The following HELT variants were observed in gnomAD, a reference collection of about 807,000 sequenced individuals.
The protein encoded by HELT is helt bHLH transcription factor.
In HELT, 9 loss-of-function variants were observed where a neutral mutation model predicts 19.5. That is an observed-to-expected ratio of 0.46 (90% confidence interval 0.28 to 0.80). The LOEUF (loss-of-function observed/expected upper bound fraction) is 0.80, where lower values mean the gene tolerates loss of function less well. Ranked by LOEUF, HELT falls within the 30% of genes least tolerant of loss-of-function variation. The probability of loss-of-function intolerance (pLI) is 0.12; values close to 1 mark genes in which losing one functional copy is unlikely to be tolerated. For missense variants in HELT, 366 were observed against 326.3 expected (o/e 1.12, Z -0.94); for synonymous variants, 162 against 148.3 (o/e 1.09, Z -0.67).
intron 3 of HELT, among the ~76,000 whole-genome samples, chr4:185,020,071 G>T (rs1392111515): frequency 6.6e-6 from 1 of 151,664 alleles, no homozygotes; most frequent in Non-Finnish European, 1.5e-5. Context: ...CCCGGGTGGG[G>T]TGGGTGGGGT....
chr4:185,019,598 C>A, intron 2 of HELT, 107 bp downstream of exon 2: 1 of 1,569,456 alleles, frequency 6.4e-7, no homozygotes, highest in Non-Finnish European at 8.6e-7. Flanking sequence ...TTGCGGGCCC[C>A]TCCCAGGCGG....
intron 3 of HELT, 39 bp downstream of exon 3, chr4:185,019,882 G>A: frequency 6.4e-7 from 1 of 1,566,334 alleles, no homozygotes. Flanking sequence ...TGGGCCAGGC[G>A]CCTGCGCCAC....
chr4:185,020,684 G>A lies in HELT; in HGVS notation c.641G>A (p.Gly214Asp). 6.2e-7 allele frequency: 1 copy of A among 1,603,868 alleles called. No individual in the cohort carries two copies. Among genetic ancestry groups the A allele is most frequent in the Non-Finnish European group, 8.5e-7 (1 of 1,179,150 alleles). ...QHSPFLTPVQ[G>D]LDRHYLNLIG... is the part of the protein sequence containing the mutation. ...AGCCCCTTCCTGACACCGGTGCAGG[G>A]CCTGGACCGGCATTACCTCAACCTG... The change falls in exon 4 of 4, where the codon GGC (glycine) becomes GAC (aspartate). Residue 214 changes from glycine (G) to aspartate (D), a missense_variant. By Grantham distance (94) the Gly-to-Asp change is moderately conservative (BLOSUM62 -1). Transcript: ENST00000515777.
intron 2 of HELT, 80 bp downstream of exon 2, chr4:185,019,571 G>A (rs1434273918): frequency 1.1e-5 from 17 of 1,548,546 alleles, no homozygotes; most frequent in Non-Finnish European, 1.5e-5. Context: ...CGAGCCCGCG[G>A]ACACAGAGGA....
chr4:185,019,127 A>T, intron 1 of HELT, 172 bp downstream of exon 1: 1 of 1,573,112 alleles, frequency 6.4e-7, no homozygotes, highest in Non-Finnish European at 8.7e-7. Flanking sequence ...AGGGTGCTCA[A>T]CCAGGTAGAA....
chr4:185,019,218 A>G (rs867361965), intron 1 of HELT, 169 bp from the exon 2 acceptor site: 7 of 1,271,558 alleles, frequency 5.5e-6, no homozygotes, highest in Non-Finnish European at 7.5e-6. Context: ...CGCGGGCGTC[A>G]GAAGGCAGAG....
chr4:185,020,795 C>T lies in HELT; in HGVS notation c.*23C>T. 1 of 1,502,520 alleles carries T rather than the reference C, an allele frequency of 6.7e-7. No individual in the cohort carries two copies. The highest frequency in any genetic ancestry group is 8.8e-7 in the Non-Finnish European group (1 of 1,134,258). The allele number at this position is 1,502,520 out of a possible 1,614,324, so 93.1% of individuals were successfully genotyped here. A position where few individuals can be genotyped will look rare whatever the true frequency, so the allele number is the denominator to read the frequency against. ...TGACGCCCACTCGCCCGCCAGATTT[C>T]TCCTCGCTTTGGGCGCTTTTAGGAG... is the stretch of plus-strand genomic sequence containing the variant. On this transcript the variant is annotated 3_prime_UTR_variant, in exon 4 of 4. Transcript: ENST00000515777.
Position 185,020,228 on chromosome 4 carries a change from G to T in HELT, c.230-45G>T, listed in dbSNP as rs550172563. 9.5e-6 allele frequency: 15 copies of T among 1,584,454 alleles called. No homozygotes were observed. In the African/African-American group the frequency reaches 2.0e-4, roughly 21 times the overall value. ...CCGCTTTGGGCTCGCGTGGGGAAGG[G>T]GCACTCAGGGTGTGTCCGTCCTACG... is the stretch of plus-strand genomic sequence containing the variant. On this transcript the variant is annotated intron_variant, in intron 3 of 3. Coordinates refer to ENST00000515777, the MANE Select transcript of HELT (RefSeq NM_001300781.2).
At position 185,020,721 on chromosome 4, in the gene HELT, G is replaced by A. The variant is rs762135260; in HGVS notation, c.678G>A (p.Ala226=). ...DRHYLNLIGH[A]HPNALNLHTP... is the part of the protein sequence containing the mutation. ...ATTACCTCAACCTGATCGGCCACGC[G>A]CACCCCAACGCCCTTAACCTGCACA... The change falls in exon 4 of 4, where the codon GCG becomes GCA. Residue 226 remains alanine (A), a synonymous_variant. Coordinates refer to ENST00000515777, the MANE Select transcript of HELT (RefSeq NM_001300781.2). The A allele has an allele frequency of 2.5e-6, 4 of 1,589,958 alleles. No individual in the cohort carries two copies. The highest frequency in any genetic ancestry group is 3.5e-5 in the Admixed American group (2 of 57,276).
chr4:185,019,993 C>A, intron 3 of HELT, 150 bp downstream of exon 3: 1 of 857,584 alleles, frequency 1.2e-6, no homozygotes, highest in East Asian at 2.7e-5. Flanking sequence ...AGGCGCCTCT[C>A]CCTGCTCGGC....
intron 3 of HELT, 25 bp downstream of exon 3, chr4:185,019,868 C>A: frequency 6.3e-7 from 1 of 1,597,360 alleles, no homozygotes; most frequent in Middle Eastern, 1.8e-4. Context: ...GGGAATGGGA[C>A]GCCTGGGCCA....
In HELT at chr4:185,020,586, C is replaced by A. The variant is rs775149628; in HGVS notation, c.543C>A (p.Gly181=). ...CCGGGCCTTTCCCCTGGCCGCCTGGCGCGGCCCGCAGCCCCGCGCTGCCCT... is the reference window on the plus strand; with the variant it reads ...CCGGGCCTTTCCCCTGGCCGCCTGGAGCGGCCCGCAGCCCCGCGCTGCCCT... ...SGAGPFPWPP[G]AARSPALPYL... is the part of the protein sequence containing the mutation. Residue 181 remains glycine (G), a synonymous_variant, in exon 4 of 4, where the codon GGC becomes GGA. Transcript: ENST00000515777. 9 of 1,593,828 alleles carry A rather than the reference C, an allele frequency of 5.6e-6. No individual in the cohort carries two copies. The Admixed American group carries it at 1.4e-4, about 24-fold the overall frequency.
chr4:185,018,707 A>G lies in HELT; in HGVS notation c.-222A>G. 2.4e-6 allele frequency: 1 copy of G among 416,184 alleles called. No individual in the cohort carries two copies. Among genetic ancestry groups the G allele is most frequent in the East Asian group, 3.5e-5 (1 of 28,306 alleles). 25.8% of individuals were successfully genotyped at this position (416,184 alleles called of 1,614,324 possible). On this transcript the variant is annotated 5_prime_UTR_variant, in exon 1 of 4. Coordinates refer to ENST00000515777, the MANE Select transcript of HELT (RefSeq NM_001300781.2). ...TTTTTTTTTTTTCTTAACTTCTTTA[A>G]AACTGATCTTGAATGCATACATCCT...
chr4:185,018,886 T>C lies in HELT; in HGVS notation c.-43T>C, dbSNP rs200602332. ...CACACGAGGCGGAAAAGTGGACGGG[T>C]GCCCCGCGCCACCGCCTCTCCCGAG... is the stretch of plus-strand genomic sequence containing the variant. On this transcript the variant is annotated 5_prime_UTR_variant, in exon 1 of 4. Coordinates refer to ENST00000515777, the MANE Select transcript of HELT (RefSeq NM_001300781.2). 2.4e-3 allele frequency: 3,745 copies of C among 1,544,000 alleles called. 123 individuals carry two copies. In the South Asian group the frequency reaches 0.044, roughly 18 times the overall value.
intron 1 of HELT, 156 bp from the exon 2 acceptor site, chr4:185,019,231 C>A: frequency 8.3e-7 from 1 of 1,202,356 alleles, no homozygotes. Flanking sequence ...AGGCAGAGCT[C>A]ACCTGGCCCG....
rs568316271 is a variant in HELT at position 185,019,701 on chromosome 4, C to T, written c.133-46C>T. 3.7e-6 allele frequency: 6 copies of T among 1,611,894 alleles called. 1 individual carries two copies. The South Asian group carries it at 5.5e-5, about 15-fold the overall frequency. On this transcript the variant is annotated intron_variant, in intron 2 of 3. Coordinates refer to ENST00000515777, the MANE Select transcript of HELT (RefSeq NM_001300781.2). ...TCCTCTCCAGCGCCACAGTGCCCGACCAGCAGGCGCTGGGCCGCTGCGAGG... is the reference window on the plus strand; with the variant it reads ...TCCTCTCCAGCGCCACAGTGCCCGATCAGCAGGCGCTGGGCCGCTGCGAGG...
rs758991645 is a variant in HELT, at chr4:185,020,641, A to G, written c.598A>G (p.Ser200Gly). The change falls in exon 4 of 4, where the codon AGC (serine) becomes GGC (glycine). Residue 200 changes from serine to glycine, a missense_variant. Physicochemically the swap from Ser to Gly is moderately conservative, Grantham distance 56 (BLOSUM62 0). Coordinates refer to ENST00000515777, the MANE Select transcript of HELT (RefSeq NM_001300781.2). ...GCCCAGCGCGCCAGTGCCGCTCGCT[A>G]GCCCAGCGCAGCAGCACAGCCCCTT... The part of the protein sequence containing the change: ...YLPSAPVPLA[S>G]PAQQHSPFLT... The G allele has an allele frequency of 5.0e-6, 8 of 1,603,746 alleles. No individual in the cohort carries two copies. Among genetic ancestry groups the G allele is most frequent in the Non-Finnish European group, 5.9e-6 (7 of 1,179,170 alleles).
At chr4:185,020,102 G>T (rs1734023682) in intron 3 of HELT, among the ~76,000 whole-genome samples, 171 bp from the exon 4 acceptor site, 1 of 152,236 alleles carries the variant, frequency 6.6e-6, no homozygotes, top group African/African-American at 2.4e-5. Flanking sequence ...GGGAAAGAGG[G>T]CGTTTGCGCG....
Position 185,019,659 on chromosome 4 carries a change from C to A in HELT, c.133-88C>A, listed in dbSNP as rs775257676. On this transcript the variant is annotated intron_variant, in intron 2 of 3. Transcript: ENST00000515777. The stretch of plus-strand genomic sequence containing the variant: ...AGGAGGCTCTGGCGCAGATCCGCAG[C>A]CGCGTCCGCTCGCTGGTCCTCTCCA... 7.5e-6 allele frequency: 12 copies of A among 1,608,774 alleles called. No individual in the cohort carries two copies. The highest frequency in any genetic ancestry group is 8.5e-6 in the Non-Finnish European group (10 of 1,178,304).
Sources: gnomAD v4.1 joint callset for allele counts (sites outside exome capture counted in the v4.1 genomes callset) on GRCh38, gnomAD v4.1.1 for gene constraint, MANE v1.5 for transcripts, NCBI Gene and HGNC (gene_info 2026-07-23, HGNC 2026-07-21) for gene names.